The following PACRG variants were observed in gnomAD, a reference collection of about 807,000 sequenced individuals.
PACRG encodes the protein parkin coregulated, also known as parkin coregulated gene protein.
Under a neutral mutation model 29.7 loss-of-function variants are expected in PACRG, and 29 were observed. The observed-to-expected ratio is 0.98, with a 90% confidence interval of 0.73 to 1.33. The LOEUF is 1.33. Among genes scored for constraint, PACRG ranks in the 40% most tolerant of loss-of-function variants. PACRG has a pLI of 0.00. For synonymous variants in PACRG, 116 were observed against 118.7 expected (o/e 0.98, Z 0.15); for missense variants, 279 against 316.2 (o/e 0.88, Z 0.89).
At chr6:163,175,939 C>T (rs1166084574) in intron 4 of PACRG, among the ~76,000 whole-genome samples, 1 of 152,148 alleles carries the variant, frequency 6.6e-6, no homozygotes, top group East Asian at 1.9e-4. Flanking sequence ...CAATCTAAAG[C>T]ACAGTTTGTG....
At chr6:162,873,360 A>G (rs895000659) in intron 2 of PACRG, among the ~76,000 whole-genome samples, 1 of 152,074 alleles carries the variant, frequency 6.6e-6, no homozygotes, top group South Asian at 2.1e-4. Flanking sequence ...TATTTTCTCA[A>G]TTTTAGTGGT....
rs148225134 is a variant in PACRG, at chr6:162,961,593, C to G, written c.292-100557C>G. ...TCCTTTTTCTTCACCACCTCTGAGT[C>G]TACCACACTCCACTCCACATCTGAT... On this transcript the variant is annotated intron_variant, in intron 2 of 4. Transcript: ENST00000366888. 2.0e-3 allele frequency among the ~76,000 whole-genome samples: 303 copies of G among 152,230 alleles called. 1 individual carries two copies. Among genetic ancestry groups the G allele is most frequent in the African/African-American group, 6.4e-3 (265 of 41,534 alleles).
intron 1 of PACRG, among the ~76,000 whole-genome samples, chr6:162,745,944 A>G (rs1780955514): frequency 1.3e-5 from 2 of 152,174 alleles, no homozygotes; most frequent in African/African-American, 4.8e-5. Flanking sequence ...AATATCATAC[A>G]TAATAATTAT....
intron 4 of PACRG, among the ~76,000 whole-genome samples, chr6:163,161,337 C>A (rs144703714): frequency 1.3e-5 from 2 of 151,668 alleles, no homozygotes; most frequent in East Asian, 3.9e-4. Flanking sequence ...TAGGATTATT[C>A]ATTTTCAAAT....
intron 4 of PACRG, among the ~76,000 whole-genome samples, chr6:163,226,884 A>G (rs1361156395): frequency 1.3e-5 from 2 of 152,244 alleles, no homozygotes; most frequent in Non-Finnish European, 2.9e-5. Context: ...AAAAGAGCCA[A>G]TGGGATTAAA....
At chr6:163,144,325 AACACACATAC>A in intron 4 of PACRG, among the ~76,000 whole-genome samples, 1 of 132,050 alleles carries the variant, frequency 7.6e-6, no homozygotes, top group Non-Finnish European at 1.6e-5. Flanking sequence ...CATGAAAAGC[AACACACATAC>A]ACACACATAC....
chr6:162,885,946 A>G (rs1178287557), intron 2 of PACRG, among the ~76,000 whole-genome samples: 1 of 152,222 alleles, frequency 6.6e-6, no homozygotes, highest in Non-Finnish European at 1.5e-5. Flanking sequence ...TAATATTGTT[A>G]CAATATTGTT....
At chr6:163,195,044 A>T (rs1780388191) in intron 4 of PACRG, among the ~76,000 whole-genome samples, 1 of 152,052 alleles carries the variant, frequency 6.6e-6, no homozygotes, top group Admixed American at 6.5e-5. Context: ...CTTCAACTTG[A>T]GCCTTGATCT....
rs572223145 is a variant in PACRG, at chr6:162,938,087, G to A, written c.291+123806G>A. Among the ~76,000 whole-genome samples, 476 of 152,106 alleles carry A rather than the reference G, an allele frequency of 3.1e-3. 1 individual carries two copies. Among genetic ancestry groups the A allele is most frequent in the Middle Eastern group, 0.014 (4 of 292 alleles). The stretch of plus-strand genomic sequence containing the variant: ...CCCCTGTGTCCCCAAGGTCCATTGT[G>A]TCATTCTTATGCATTTGCATCCTCA... On this transcript the variant is annotated intron_variant, in intron 2 of 4. Coordinates refer to ENST00000366888, the MANE Select transcript of PACRG (RefSeq NM_001080379.2).
At chr6:162,866,683 C>G (rs1236798502) in intron 2 of PACRG, among the ~76,000 whole-genome samples, 2 of 152,128 alleles carry the variant, frequency 1.3e-5, no homozygotes, top group East Asian at 3.8e-4. Flanking sequence ...TACTGACTTT[C>G]CTACTTCCAA....
intron 4 of PACRG, among the ~76,000 whole-genome samples, chr6:163,106,682 A>G (rs1815399142): frequency 6.6e-6 from 1 of 152,234 alleles, no homozygotes; most frequent in Admixed American, 6.5e-5. Context: ...TGCTGAGTTA[A>G]TAAATCCAAT....
Position 163,191,655 on chromosome 6 carries a change from T to A in PACRG, c.613+102247T>A, listed in dbSNP as rs767076295. The A allele has an allele frequency of 2.0e-5, 9 of 456,264 alleles. 1 individual carries two copies. In the Middle Eastern group the frequency reaches 2.0e-3, roughly 99 times the overall value. 28.3% of individuals were successfully genotyped at this position (456,264 alleles called of 1,614,324 possible). ...TGGCTGCACTCCACCAGGTGACTTA[T>A]CTGTGGACCACACTCCACGTGGCCA... On this transcript the variant is annotated intron_variant, in intron 4 of 4. Coordinates refer to ENST00000366888, the MANE Select transcript of PACRG (RefSeq NM_001080379.2).
chr6:162,970,843 C>G (rs1009707009), intron 2 of PACRG, among the ~76,000 whole-genome samples: 1 of 102,148 alleles, frequency 9.8e-6, no homozygotes, highest in Non-Finnish European at 2.2e-5. Flanking sequence ...TGGCATTGCC[C>G]CTGTCACCTG....
intron 2 of PACRG, among the ~76,000 whole-genome samples, chr6:163,015,286 C>T (rs1417185683): frequency 6.6e-6 from 1 of 152,026 alleles, no homozygotes; most frequent in Non-Finnish European, 1.5e-5. Flanking sequence ...TAATGGGATG[C>T]CTCTGGGTTT....
chr6:163,256,722 G>A (rs1783124417), intron 4 of PACRG, among the ~76,000 whole-genome samples: 1 of 152,212 alleles, frequency 6.6e-6, no homozygotes, highest in Non-Finnish European at 1.5e-5. Flanking sequence ...GGCAGTTCAT[G>A]TAGAGACTTC....
chr6:162,980,469 G>A (rs1265937329), intron 2 of PACRG, among the ~76,000 whole-genome samples: 2 of 152,104 alleles, frequency 1.3e-5, no homozygotes, highest in Non-Finnish European at 2.9e-5. Flanking sequence ...ATTAAGTAAG[G>A]TTCAGAAGCA....
chr6:162,828,290 C>T (rs1391469714), intron 2 of PACRG, among the ~76,000 whole-genome samples: 1 of 152,188 alleles, frequency 6.6e-6, no homozygotes, highest in Non-Finnish European at 1.5e-5. Context: ...ATAGTATCAG[C>T]TCACTGAATA....
At chr6:162,869,690 A>G (rs1243811887) in intron 2 of PACRG, among the ~76,000 whole-genome samples, 3 of 152,230 alleles carry the variant, frequency 2.0e-5, no homozygotes, top group African/African-American at 7.2e-5. Flanking sequence ...TTGGAAAGCT[A>G]GACAGTTGGA....
chr6:162,890,198 C>G (rs796564803), intron 2 of PACRG, among the ~76,000 whole-genome samples: 1 of 152,136 alleles, frequency 6.6e-6, no homozygotes, highest in Non-Finnish European at 1.5e-5. Context: ...CCCATGGGTT[C>G]TTTCTACCTT....
Sources: allele counts gnomAD v4.1 joint callset (sites outside exome capture counted in the v4.1 genomes callset), GRCh38; gene constraint gnomAD v4.1.1; transcripts MANE v1.5; gene names NCBI Gene and HGNC (gene_info 2026-07-23, HGNC 2026-07-21).